Variants in ASTN2 observed in about 807,000 individuals in gnomAD.
ASTN2 encodes the protein astrotactin 2.
In ASTN2, 54 loss-of-function variants were observed where a neutral mutation model predicts 139.8. That is an observed-to-expected ratio of 0.39 (90% CI 0.31 to 0.48). The LOEUF is 0.48. Ranked by LOEUF, ASTN2 falls within the 20% of genes least tolerant of loss-of-function variation. ASTN2 has a pLI of 0.95. For missense variants in ASTN2, 1,565 were observed against 1,725.1 expected (o/e 0.91, Z 1.64); for synonymous variants, 756 against 719.5 (o/e 1.05, Z -0.81).
chr9:117,188,769 C>T (rs1175755602), intron 3 of ASTN2, among the ~76,000 whole-genome samples: 1 of 152,152 alleles, frequency 6.6e-6, no homozygotes, highest in African/African-American at 2.4e-5. Context: ...AAATGTCTGA[C>T]TTGGAAATGC....
chr9:116,599,817 G>A (rs1372024565), intron 19 of ASTN2, among the ~76,000 whole-genome samples: 1 of 152,156 alleles, frequency 6.6e-6, no homozygotes, highest in African/African-American at 2.4e-5. Flanking sequence ...CCCCATGTCA[G>A]ATGGAGGAGG....
At chr9:117,196,637 G>C (rs1360462388) in intron 3 of ASTN2, among the ~76,000 whole-genome samples, 2 of 152,114 alleles carry the variant, frequency 1.3e-5, no homozygotes, top group Non-Finnish European at 2.9e-5. Flanking sequence ...TCTAAACTGA[G>C]GCAGGAGAGC....
At chr9:116,669,163 C>T (rs1859041361) in intron 16 of ASTN2, among the ~76,000 whole-genome samples, 1 of 152,168 alleles carries the variant, frequency 6.6e-6, no homozygotes, top group Non-Finnish European at 1.5e-5. Context: ...CTAAAGGTTA[C>T]TATCTTTTTC....
intron 3 of ASTN2, among the ~76,000 whole-genome samples, chr9:117,161,255 AC>A: frequency 6.6e-6 from 1 of 152,148 alleles, no homozygotes; most frequent in East Asian, 1.9e-4. Flanking sequence ...TGGGAAAGGA[AC>A]ACAAAAATAA....
chr9:116,555,068 G>C (rs2119424841), intron 19 of ASTN2, among the ~76,000 whole-genome samples: 1 of 152,078 alleles, frequency 6.6e-6, no homozygotes, highest in Non-Finnish European at 1.5e-5. Flanking sequence ...CAGCTTCTGG[G>C]AAAATTAGTT....
chr9:116,637,960 A>T (rs773997136), intron 17 of ASTN2, among the ~76,000 whole-genome samples: 4 of 152,168 alleles, frequency 2.6e-5, no homozygotes, highest in Admixed American at 6.5e-5. Context: ...ATACATACAT[A>T]AAGAAGGATG....
chr9:117,323,784 AT>A (rs1363260155), intron 1 of ASTN2, among the ~76,000 whole-genome samples: 1 of 152,030 alleles, frequency 6.6e-6, no homozygotes, highest in African/African-American at 2.4e-5. Context: ...TTATATATAT[AT>A]TTTTTATTTT....
chr9:116,482,289 G>A (rs755032942), intron 20 of ASTN2, among the ~76,000 whole-genome samples: 1 of 152,094 alleles, frequency 6.6e-6, no homozygotes, highest in Non-Finnish European at 1.5e-5. Context: ...TTGCGCCCCT[G>A]CACTCCAGCC....
At chr9:117,370,953 A>G (rs1829974976) in intron 1 of ASTN2, among the ~76,000 whole-genome samples, 1 of 152,188 alleles carries the variant, frequency 6.6e-6, no homozygotes, top group African/African-American at 2.4e-5. Context: ...GGATGTCCCT[A>G]CATTATTAAA....
At chr9:117,383,416 TTACATGAATATA>T (rs1424028641) in intron 1 of ASTN2, among the ~76,000 whole-genome samples, 1 of 152,190 alleles carries the variant, frequency 6.6e-6, no homozygotes, top group African/African-American at 2.4e-5. Context: ...ATGTTCTCAG[TTACATGAATATA>T]TACATTTGTC....
At chr9:117,332,106 G>T (rs1828729710) in intron 1 of ASTN2, among the ~76,000 whole-genome samples, 1 of 152,136 alleles carries the variant, frequency 6.6e-6, no homozygotes, top group Non-Finnish European at 1.5e-5. Flanking sequence ...AAAAGGGAAA[G>T]AAAGGAAATG....
At chr9:117,045,279 T>C (rs1011146889) in intron 5 of ASTN2, among the ~76,000 whole-genome samples, 5 of 143,990 alleles carry the variant, frequency 3.5e-5, no homozygotes, top group Non-Finnish European at 7.6e-5. Context: ...AAAAAAGAGC[T>C]AAATAAATTA....
At position 117,023,362 on chromosome 9, in the gene ASTN2, G is replaced by A. The variant is rs557338766; in HGVS notation, c.1424-15103C>T. On this transcript the variant is annotated intron_variant, in intron 6 of 22. Transcript: ENST00000313400. ...TCACCCAAATGGTTTTGACTGTGTT[G>A]TTTCCTCTGCCTGGAACACACTTTC... Among the ~76,000 whole-genome samples the A allele has an allele frequency of 3.9e-5, 6 of 152,218 alleles. No individual in the cohort carries two copies. In the South Asian group the frequency reaches 1.2e-3, roughly 32 times the overall value.
chr9:117,408,611 A>C (rs1035395153), intron 1 of ASTN2, among the ~76,000 whole-genome samples: 5 of 152,204 alleles, frequency 3.3e-5, no homozygotes, highest in African/African-American at 1.2e-4. Context: ...CACCTGCTAC[A>C]AATTAAAATC....
chr9:117,412,406 T>C (rs1202892019), intron 1 of ASTN2, among the ~76,000 whole-genome samples: 13 of 152,162 alleles, frequency 8.5e-5, no homozygotes, highest in Admixed American at 8.5e-4. Context: ...CAGGAGACTC[T>C]CAAGCAACAC....
rs185316705 is a variant in ASTN2, at chr9:116,856,062, G to A, written c.2040+7521C>T. Among the ~76,000 whole-genome samples the A allele has an allele frequency of 4.2e-4, 64 of 152,254 alleles. 1 individual carries two copies. Among genetic ancestry groups the A allele is most frequent in the African/African-American group, 1.4e-3 (60 of 41,562 alleles). On this transcript the variant is annotated intron_variant, in intron 11 of 22. Coordinates refer to ENST00000313400, the MANE Select transcript of ASTN2 (RefSeq NM_001365068.1). ...ACTTTGATGAAGACACCATGGGGGC[G>A]ATATGTCATCCTGTAAATCCTGTTT...
chr9:117,239,761 T>C (rs991226951), intron 2 of ASTN2, among the ~76,000 whole-genome samples: 7 of 152,200 alleles, frequency 4.6e-5, no homozygotes, highest in African/African-American at 1.7e-4. Context: ...AAAAGCCCCA[T>C]GACTCCTAGA....
At chr9:116,609,421 GA>G (rs764924807) in intron 19 of ASTN2, among the ~76,000 whole-genome samples, 14 of 99,798 alleles carry the variant, frequency 1.4e-4, no homozygotes, top group Non-Finnish European at 2.9e-4. Context: ...ACAAAGATAG[GA>G]CTGATGGCAG....
At chr9:116,943,600 G>A (rs747789381) in intron 10 of ASTN2, among the ~76,000 whole-genome samples, 10 of 152,128 alleles carry the variant, frequency 6.6e-5, no homozygotes, top group Non-Finnish European at 1.5e-4. Flanking sequence ...TTCATGTTCT[G>A]GATGCATGTA....
Sources: gnomAD v4.1 joint callset for allele counts (sites outside exome capture counted in the v4.1 genomes callset) on GRCh38, gnomAD v4.1.1 for gene constraint, MANE v1.5 for transcripts, NCBI Gene and HGNC (gene_info 2026-07-23, HGNC 2026-07-21) for gene names.